The following SLC7A1 variants were observed in gnomAD, a reference collection of about 807,000 sequenced individuals.
SLC7A1 encodes solute carrier family 7 member 1.
Under a neutral mutation model 53.9 loss-of-function variants are expected in SLC7A1, and 10 were observed. The observed-to-expected ratio is 0.19, with a 90% CI of 0.11 to 0.31. SLC7A1 has a LOEUF of 0.31. SLC7A1 is among the 10% of genes least tolerant of loss of function. SLC7A1 has a pLI of 1.00. For synonymous variants in SLC7A1, 342 were observed against 338.7 expected (o/e 1.01, Z -0.11); for missense variants, 525 against 827.2 (o/e 0.63, Z 4.48).
intron 1 of SLC7A1, among the ~76,000 whole-genome samples, chr13:29,577,375 G>A (rs1446671394): frequency 3.3e-5 from 5 of 152,202 alleles, no homozygotes; most frequent in Non-Finnish European, 7.3e-5. Context: ...CCAAATACAC[G>A]AGTCAGCTCC....
At chr13:29,538,700 A>G (rs987509748) in intron 2 of SLC7A1, among the ~76,000 whole-genome samples, 1 of 152,250 alleles carries the variant, frequency 6.6e-6, no homozygotes, top group African/African-American at 2.4e-5. Context: ...ATTGCAAAGC[A>G]CAACAAAGCG....
chr13:29,541,427 C>T (rs922614405), intron 2 of SLC7A1, among the ~76,000 whole-genome samples: 5 of 152,144 alleles, frequency 3.3e-5, no homozygotes, highest in Non-Finnish European at 1.5e-5. Context: ...CATAACTGAC[C>T]TAACAGGGAC....
chr13:29,593,656 C>G (rs769588380), intron 1 of SLC7A1, among the ~76,000 whole-genome samples: 2 of 152,156 alleles, frequency 1.3e-5, no homozygotes, highest in Non-Finnish European at 2.9e-5. Flanking sequence ...AAACTACAGA[C>G]CAGAATAATC....
intron 9 of SLC7A1, among the ~76,000 whole-genome samples, chr13:29,519,019 G>A (rs745574599): frequency 2.6e-5 from 4 of 152,140 alleles, no homozygotes; most frequent in African/African-American, 4.8e-5. Context: ...CAGCCACAGC[G>A]CAACGAAGCT....
At position 29,519,627 on chromosome 13, in the gene SLC7A1, C is replaced by A. The variant is rs1868535319; in HGVS notation, c.1190-78G>T. The A allele has an allele frequency of 2.8e-5, 24 of 863,826 alleles. No homozygotes were observed. In the South Asian group the frequency reaches 3.4e-4, roughly 12 times the overall value. 53.5% of individuals were successfully genotyped at this position (863,826 alleles called of 1,614,324 possible). On this transcript the variant is annotated intron_variant, in intron 8 of 12. Coordinates refer to ENST00000380752, the MANE Select transcript of SLC7A1 (RefSeq NM_003045.5). ...AACCAGGACCACCACTGCCGCCCAC[C>A]ATCCAGGGCAGCGAAGGGGGCTGCT...
At chr13:29,569,649 A>G (rs969602306) in intron 1 of SLC7A1, among the ~76,000 whole-genome samples, 4 of 152,238 alleles carry the variant, frequency 2.6e-5, no homozygotes, top group African/African-American at 9.6e-5. Context: ...CAGTGAGTCT[A>G]GTGATAGGTT....
intron 1 of SLC7A1, among the ~76,000 whole-genome samples, chr13:29,560,077 A>G (rs1870683508): frequency 6.6e-6 from 1 of 152,182 alleles, no homozygotes; most frequent in Non-Finnish European, 1.5e-5. Flanking sequence ...CATTACACAG[A>G]AGTACAAAAA....
chr13:29,553,235 A>G (rs7328329), intron 2 of SLC7A1, among the ~76,000 whole-genome samples: 132,568 of 152,246 alleles, frequency 0.87, 58,232 homozygotes, highest in East Asian at 1. Context: ...GGCAGGAAGA[A>G]AACTGGAAGC....
chr13:29,561,952 G>A (rs77124158), intron 1 of SLC7A1, among the ~76,000 whole-genome samples: 4,843 of 152,318 alleles, frequency 0.032, 209 homozygotes, highest in African/African-American at 0.088. Context: ...AGTCCTGAAA[G>A]TCCAAATCTT....
At position 29,572,307 on chromosome 13, in the gene SLC7A1, T is replaced by A. The variant is rs144285147; in HGVS notation, c.-114-18447A>T. 9.8e-3 allele frequency among the ~76,000 whole-genome samples: 1,497 copies of A among 152,084 alleles called. 24 individuals carry two copies. Among genetic ancestry groups the A allele is most frequent in the African/African-American group, 0.035 (1,449 of 41,480 alleles). Reference sequence around the variant, plus strand: ...AGAGCCAGGACGCTTCACACAAGAGTCACTCATTGGATTTTCTACTCCACG... The same window carrying A: ...AGAGCCAGGACGCTTCACACAAGAGACACTCATTGGATTTTCTACTCCACG... On this transcript the variant is annotated intron_variant, in intron 1 of 12. Coordinates refer to ENST00000380752, the MANE Select transcript of SLC7A1 (RefSeq NM_003045.5).
intron 1 of SLC7A1, 36 bp downstream of exon 1, chr13:29,595,380 G>A (rs1872267993): frequency 6.6e-6 from 1 of 151,738 alleles, no homozygotes; most frequent in South Asian, 2.1e-4. Flanking sequence ...CGGGCCCAAG[G>A]AGCTGCCCCC....
At chr13:29,563,096 G>A (rs1870829090) in intron 1 of SLC7A1, among the ~76,000 whole-genome samples, 1 of 152,238 alleles carries the variant, frequency 6.6e-6, no homozygotes, top group East Asian at 1.9e-4. Context: ...GAGGCCGGGA[G>A]GACAGAGTCG....
chr13:29,594,765 C>CGAG (rs1446047476), intron 1 of SLC7A1, among the ~76,000 whole-genome samples: 1 of 152,164 alleles, frequency 6.6e-6, no homozygotes, highest in Non-Finnish European at 1.5e-5. Context: ...GGGACCCAGA[C>CGAG]GAGAGGTGCA....
chr13:29,511,615 G>GC lies in SLC7A1; in HGVS notation c.*2864dup, dbSNP rs762470369. The GC allele has an allele frequency of 2.0e-5, 3 of 152,226 alleles. No individual in the cohort carries two copies. The highest frequency in any genetic ancestry group is 6.5e-5 in the Admixed American group (1 of 15,280). The allele number at this position is 152,226 out of a possible 1,614,324, so 9.4% of individuals were successfully genotyped here. A position where few individuals can be genotyped will look rare whatever the true frequency, so the allele number is the denominator to read the frequency against. ...GGCTCCCGAGCCAGCTGCCAACAAG[G>GC]CCCCCACTGCCTCCCTGGAGACCCA... On this transcript the variant is annotated 3_prime_UTR_variant, in exon 13 of 13. Transcript: ENST00000380752.
intron 2 of SLC7A1, among the ~76,000 whole-genome samples, chr13:29,537,591 T>C (rs3011605): frequency 0.84 from 128,100 of 152,188 alleles, 55,302 homozygotes; most frequent in Non-Finnish European, 0.94. Context: ...TTGTAACCAA[T>C]GTACCCACCA....
intron 1 of SLC7A1, among the ~76,000 whole-genome samples, chr13:29,572,028 C>T (rs1327075670): frequency 6.6e-6 from 1 of 152,226 alleles, no homozygotes; most frequent in African/African-American, 2.4e-5. Flanking sequence ...AAGGAAAGGT[C>T]AAAGTGAAAT....
rs79471070 is a variant in SLC7A1 at position 29,529,863 on chromosome 13, T to A, written c.704+675A>T. Among the ~76,000 whole-genome samples the A allele has an allele frequency of 3.9e-5, 6 of 152,040 alleles. No homozygotes were observed. The South Asian group carries it at 1.2e-3, about 32-fold the overall frequency. On this transcript the variant is annotated intron_variant, in intron 5 of 12. Transcript: ENST00000380752. ...GATAAAAAAGATATGACTGTTTGGC[T>A]TTTTTTTCCTAGGTTATCTGAGCTT...
intron 1 of SLC7A1, among the ~76,000 whole-genome samples, chr13:29,562,544 C>T (rs559210326): frequency 2.0e-5 from 3 of 152,252 alleles, no homozygotes; most frequent in South Asian, 2.1e-4. Flanking sequence ...ATCCCAAATC[C>T]GAAATGCTCC....
chr13:29,539,627 G>A (rs1023646272), intron 2 of SLC7A1, among the ~76,000 whole-genome samples: 3 of 152,194 alleles, frequency 2.0e-5, no homozygotes, highest in East Asian at 1.9e-4. Context: ...GCAGCGGCCC[G>A]TTTTATCCGG....
Sources: allele counts gnomAD v4.1 joint callset (sites outside exome capture counted in the v4.1 genomes callset), GRCh38; gene constraint gnomAD v4.1.1; transcripts MANE v1.5; gene names NCBI Gene and HGNC (gene_info 2026-07-23, HGNC 2026-07-21).